SV2B: variants seen among roughly 807,000 people sequenced by gnomAD.
The protein encoded by SV2B is synaptic vesicle glycoprotein 2B.
A neutral mutation model predicts 73.9 loss-of-function variants in SV2B; 41 were observed. That is an observed-to-expected ratio of 0.56 (90% confidence interval 0.43 to 0.72). SV2B has a LOEUF of 0.72. Ranked by LOEUF, SV2B falls within the 30% of genes least tolerant of loss-of-function variation. The pLI, the probability that SV2B is intolerant of heterozygous loss-of-function variation, is 0.00. For synonymous variants in SV2B, 314 were observed against 314.2 expected (o/e 1.00, Z 0.01); for missense variants, 764 against 857.8 (o/e 0.89, Z 1.37).
In SV2B at chr15:91,136,396, C is replaced by T. The variant is rs1389619132; in HGVS notation, c.-392+36033C>T. ...TGTGGGTGACTTACTCTCTAGGGGCCTTAGGTATATTCTCGGAGAGAGAAC... is the reference window on the plus strand; with the variant it reads ...TGTGGGTGACTTACTCTCTAGGGGCTTTAGGTATATTCTCGGAGAGAGAAC... On this transcript the variant is annotated intron_variant, in intron 1 of 12. Coordinates refer to ENST00000394232, the MANE Select transcript of SV2B (RefSeq NM_001323032.3). This position sits in a 1 kb window ranked among gnomAD's most constrained non-coding sequence, Gnocchi z 5.6. Among the ~76,000 whole-genome samples, 1 of 152,172 alleles carries T rather than the reference C, an allele frequency of 6.6e-6. No individual in the cohort carries two copies. The highest frequency in any genetic ancestry group is 1.5e-5 in the Non-Finnish European group (1 of 68,024).
At chr15:91,249,789 A>G (rs2047409848) in intron 2 of SV2B, among the ~76,000 whole-genome samples, 1 of 152,210 alleles carries the variant, frequency 6.6e-6, no homozygotes, top group African/African-American at 2.4e-5. Context: ...TCCTAGAAAC[A>G]TGCAATCCGC....
At chr15:91,196,215 C>G (rs2045240760) in intron 1 of SV2B, among the ~76,000 whole-genome samples, 1 of 152,204 alleles carries the variant, frequency 6.6e-6, no homozygotes, top group Non-Finnish European at 1.5e-5. Flanking sequence ...ATTCACTCCA[C>G]TATGCTCAGG....
At position 91,296,311 on chromosome 15, in the gene SV2B, A is replaced by T. The variant is rs1003961558; in HGVS notation, c.*3759A>T. The stretch of plus-strand genomic sequence containing the variant: ...CTGACCTGGGATTATGTTGGATGGC[A>T]TATGACTGCAAATTCAAAGAAACCA... On this transcript the variant is annotated 3_prime_UTR_variant, in exon 13 of 13. Coordinates refer to ENST00000394232, the MANE Select transcript of SV2B (RefSeq NM_001323032.3). The T allele has an allele frequency of 6.6e-6, 1 of 152,270 alleles. No individual in the cohort carries two copies. Among genetic ancestry groups the T allele is most frequent in the African/African-American group, 2.4e-5 (1 of 41,462 alleles). The allele number at this position is 152,270 out of a possible 1,614,324, so 9.4% of individuals were successfully genotyped here. A position where few individuals can be genotyped will look rare whatever the true frequency, so the allele number is the denominator to read the frequency against.
Position 91,267,758 on chromosome 15 carries a change from T to G in SV2B, c.1208+115T>G. 2 of 891,894 alleles carry G rather than the reference T, an allele frequency of 2.2e-6. No homozygotes were observed. Among genetic ancestry groups the G allele is most frequent in the Non-Finnish European group, 3.6e-6 (2 of 555,062 alleles). 55.2% of individuals were successfully genotyped at this position (891,894 alleles called of 1,614,324 possible). A position where few individuals can be genotyped will look rare whatever the true frequency, so the allele number is the denominator to read the frequency against. ...ATTTGTATCAGGTAGGATGCTTTGGTGGCAAGTAGCAGAAAACCAACTCTA... is the reference window on the plus strand; with the variant it reads ...ATTTGTATCAGGTAGGATGCTTTGGGGGCAAGTAGCAGAAAACCAACTCTA... On this transcript the variant is annotated intron_variant, in intron 8 of 12. Coordinates refer to ENST00000394232, the MANE Select transcript of SV2B (RefSeq NM_001323032.3). This position sits in a 1 kb window ranked among gnomAD's most constrained non-coding sequence, Gnocchi z 4.3.
chr15:91,198,833 A>C (rs1014843205), intron 1 of SV2B, among the ~76,000 whole-genome samples: 1 of 152,218 alleles, frequency 6.6e-6, no homozygotes, highest in African/African-American at 2.4e-5. Context: ...GTATGCATGC[A>C]GCTGATCTGG....
chr15:91,158,716 CT>C (rs1453118605), intron 1 of SV2B, among the ~76,000 whole-genome samples: 46 of 96,774 alleles, frequency 4.8e-4, no homozygotes, highest in South Asian at 1.2e-3. Context: ...CTCCTCTCCT[CT>C]CCTCTCCTCT....
Position 91,229,822 on chromosome 15 carries a change from C to T in SV2B, c.451+3108C>T, listed in dbSNP as rs375993823. Reference sequence around the variant, plus strand: ...CTCAGGTGAGACTGCAAATTTCTTTCAGCCAATGTTTTTTATGGTAGACTT... The same window carrying T: ...CTCAGGTGAGACTGCAAATTTCTTTTAGCCAATGTTTTTTATGGTAGACTT... On this transcript the variant is annotated intron_variant, in intron 2 of 12. Transcript: ENST00000394232. This position sits in a 1 kb window ranked among gnomAD's most constrained non-coding sequence, Gnocchi z 4.3. Among the ~76,000 whole-genome samples, 71 of 152,316 alleles carry T rather than the reference C, an allele frequency of 4.7e-4. No homozygotes were observed. Among genetic ancestry groups the T allele is most frequent in the African/African-American group, 1.5e-3 (64 of 41,570 alleles).
intron 1 of SV2B, chr15:91,102,125 A>C (rs1378837764): frequency 3.9e-5 from 6 of 152,224 alleles, no homozygotes; most frequent in Non-Finnish European, 7.3e-5. Flanking sequence ...CTTTTCTGGG[A>C]GATGAAAATC....
intron 4 of SV2B, among the ~76,000 whole-genome samples, chr15:91,257,499 T>C (rs2047739569): frequency 6.6e-6 from 1 of 152,240 alleles, no homozygotes; most frequent in African/African-American, 2.4e-5. Context: ...TGAATAATGA[T>C]GATTGAATAG....
At chr15:91,119,109 A>G (rs554064915) in intron 1 of SV2B, among the ~76,000 whole-genome samples, 78 of 152,342 alleles carry the variant, frequency 5.1e-4, no homozygotes, top group African/African-American at 1.8e-3. Context: ...TCCAAAATAC[A>G]TAAATAAAAT....
rs1400243768 is a variant in SV2B at position 91,236,843 on chromosome 15, G to A, written c.451+10129G>A. On this transcript the variant is annotated intron_variant, in intron 2 of 12. Coordinates refer to ENST00000394232, the MANE Select transcript of SV2B (RefSeq NM_001323032.3). The surrounding 1 kb of genome is among the most constrained non-coding windows in gnomAD (Gnocchi z 4.1). ...ACACAAATATCTGGTACCCAAACTGGAAGACGCAGATGGCTGGGGCTTCTT... is the reference window on the plus strand; with the variant it reads ...ACACAAATATCTGGTACCCAAACTGAAAGACGCAGATGGCTGGGGCTTCTT... 6.6e-6 allele frequency among the ~76,000 whole-genome samples: 1 copy of A among 152,074 alleles called. No individual in the cohort carries two copies. Among genetic ancestry groups the A allele is most frequent in the African/African-American group, 2.4e-5 (1 of 41,408 alleles).
At chr15:91,181,186 C>T (rs1237940503) in intron 1 of SV2B, among the ~76,000 whole-genome samples, 4 of 152,342 alleles carry the variant, frequency 2.6e-5, no homozygotes, top group East Asian at 3.9e-4. Context: ...TGGGTTTCAG[C>T]AGCAGTGTCT....
intron 1 of SV2B, among the ~76,000 whole-genome samples, chr15:91,172,119 A>G (rs1478962978): frequency 1.3e-5 from 2 of 152,206 alleles, no homozygotes; most frequent in African/African-American, 2.4e-5. Flanking sequence ...TAAAATAAAA[A>G]CAATCAGTAG....
chr15:91,134,515 G>C (rs976010592), intron 1 of SV2B, among the ~76,000 whole-genome samples: 2 of 152,258 alleles, frequency 1.3e-5, no homozygotes, highest in Non-Finnish European at 2.9e-5. Flanking sequence ...GAGCGAAAAG[G>C]GGGTGCTTTT....
Position 91,197,083 on chromosome 15 carries a change from T to G in SV2B, c.-391-28790T>G, listed in dbSNP as rs1399510011. Among the ~76,000 whole-genome samples, 1 of 152,254 alleles carries G rather than the reference T, an allele frequency of 6.6e-6. No individual in the cohort carries two copies. Among genetic ancestry groups the G allele is most frequent in the Non-Finnish European group, 1.5e-5 (1 of 68,042 alleles). ...TTAGCCCATAGATGCTGATCTTTGATGTCAGAAAGACCTGTCTGCCCTGTT... is the reference window on the plus strand; with the variant it reads ...TTAGCCCATAGATGCTGATCTTTGAGGTCAGAAAGACCTGTCTGCCCTGTT... On this transcript the variant is annotated intron_variant, in intron 1 of 12. Transcript: ENST00000394232. The surrounding 1 kb of genome is among the most constrained non-coding windows in gnomAD (Gnocchi z 4.9).
rs1482497067 is a variant in SV2B at position 91,106,239 on chromosome 15, A to G, written c.-392+5876A>G. Among the ~76,000 whole-genome samples the G allele has an allele frequency of 1.3e-5, 2 of 152,174 alleles. No individual in the cohort carries two copies. The highest frequency in any genetic ancestry group is 2.9e-5 in the Non-Finnish European group (2 of 68,016). On this transcript the variant is annotated intron_variant, in intron 1 of 12. Coordinates refer to ENST00000394232, the MANE Select transcript of SV2B (RefSeq NM_001323032.3). The surrounding 1 kb of genome is among the most constrained non-coding windows in gnomAD (Gnocchi z 4.4). ...GTGATGGGGTTTAATTGGATATCCA[A>G]TGGGAGATGTTAAGTAGTTCATTGC...
chr15:91,268,176 G>A lies in SV2B; in HGVS notation c.1209-265G>A, dbSNP rs1215235835. Among the ~76,000 whole-genome samples the A allele has an allele frequency of 6.6e-6, 1 of 152,170 alleles. No homozygotes were observed. Among genetic ancestry groups the A allele is most frequent in the Non-Finnish European group, 1.5e-5 (1 of 68,030 alleles). ...ACATGTATATTTTACATGTTAAGGAGGTGTCCCTCAACCCCTAATCTATTG... is the reference window on the plus strand; with the variant it reads ...ACATGTATATTTTACATGTTAAGGAAGTGTCCCTCAACCCCTAATCTATTG... On this transcript the variant is annotated intron_variant, in intron 8 of 12. Transcript: ENST00000394232. The surrounding 1 kb of genome is among the most constrained non-coding windows in gnomAD (Gnocchi z 4.4).
rs2048177334 is a variant in SV2B, at chr15:91,268,383, C to T, written c.1209-58C>T. 1 of 1,547,554 alleles carries T rather than the reference C, an allele frequency of 6.5e-7. No homozygotes were observed. Among genetic ancestry groups the T allele is most frequent in the Admixed American group, 1.8e-5 (1 of 56,996 alleles). On this transcript the variant is annotated intron_variant, in intron 8 of 12. Coordinates refer to ENST00000394232, the MANE Select transcript of SV2B (RefSeq NM_001323032.3). This position sits in a 1 kb window ranked among gnomAD's most constrained non-coding sequence, Gnocchi z 4.4. ...CTGCATCAAGTCAAGAGTGTAGACC[C>T]TGATCATGAAAGAATGAATCCTGTT...
At chr15:91,156,111 A>T (rs778216722) in intron 1 of SV2B, among the ~76,000 whole-genome samples, 1 of 152,156 alleles carries the variant, frequency 6.6e-6, no homozygotes, top group African/African-American at 2.4e-5. Flanking sequence ...GAGCTTCCAG[A>T]TCACTCCAGG....
Sources: gnomAD v4.1 joint callset for allele counts (sites outside exome capture counted in the v4.1 genomes callset) on GRCh38, gnomAD v4.1.1 for gene constraint, Gnocchi (gnomAD v3.1) non-coding constraint, MANE v1.5 for transcripts, NCBI Gene and HGNC (gene_info 2026-07-23, HGNC 2026-07-21) for gene names.